PDS5B: variants seen among roughly 807,000 people sequenced by gnomAD.
PDS5B encodes the protein PDS5 cohesin associated factor B.
In PDS5B, 51 loss-of-function variants were observed where a neutral mutation model predicts 184.1. The ratio of observed to expected loss-of-function variants is 0.28; its 90% CI spans 0.22 to 0.35. The LOEUF is 0.35. PDS5B is among the 10% of genes least tolerant of loss of function. The pLI, the probability that PDS5B is intolerant of heterozygous loss-of-function variation, is 1.00. For missense variants in PDS5B, 1,180 were observed against 1,723.3 expected, an observed-to-expected ratio of 0.68 and a Z score of 5.58; for synonymous variants, 566 against 569.2, an observed-to-expected ratio of 0.99 and a Z score of 0.08.
intron 19 of PDS5B, among the ~76,000 whole-genome samples, chr13:32,731,656 GT>G (rs1953126620): frequency 6.6e-6 from 1 of 152,074 alleles, no homozygotes; most frequent in African/African-American, 2.4e-5. Context: ...AATAAGCATT[GT>G]TTAATCAGAT....
In PDS5B at chr13:32,775,095, A is replaced by ATAATTT; in HGVS notation, c.*44_*45insAATTTT. The ATAATTT allele has an allele frequency of 3.7e-6, 2 of 547,626 alleles. No individual in the cohort carries two copies. Among genetic ancestry groups the ATAATTT allele is most frequent in the Non-Finnish European group, 5.1e-6 (2 of 388,740 alleles). 33.9% of individuals were successfully genotyped at this position (547,626 alleles called of 1,614,324 possible). On this transcript the variant is annotated 3_prime_UTR_variant, in exon 35 of 35. Coordinates refer to ENST00000315596, the MANE Select transcript of PDS5B (RefSeq NM_015032.4). The stretch of plus-strand genomic sequence containing the variant: ...CTTTCTCTGTGAAAGCTTTGGAAAA[A>ATAATTT]TCTTTTTTTTTTTTTTTGGTCAAGC...
chr13:32,742,741 A>AT lies in PDS5B; in HGVS notation c.2612+17dup. 3 of 1,606,600 alleles carry AT rather than the reference A, an allele frequency of 1.9e-6. No homozygotes were observed. The highest frequency in any genetic ancestry group is 2.6e-6 in the Non-Finnish European group (3 of 1,174,150). ...GGGGAAAATTAGGTATGCAATTACT[A>AT]TTTCACAGTTCTTTGGATTGCATAA... On this transcript the variant is annotated intron_variant, in intron 23 of 34. Transcript: ENST00000315596.
rs1286379643 is a variant in PDS5B at position 32,759,689 on chromosome 13, A to T, written c.3371A>T (p.Lys1124Ile). The change falls in exon 29 of 35, where the codon AAA becomes ATA. Residue 1124 changes from lysine to isoleucine, a missense_variant and splice_region_variant. Transcript: ENST00000315596. ...PEMKSFFTPG[K>I]PKTTNVLGAV... ...ATGAAATCATTTTTCACTCCTGGAA[A>T]AGTATGTTTTGAGAATCATTTTAAT... is the stretch of plus-strand genomic sequence containing the variant. 6.5e-7 allele frequency: 1 copy of T among 1,532,560 alleles called. No homozygotes were observed. Among genetic ancestry groups the T allele is most frequent in the Non-Finnish European group, 9.0e-7 (1 of 1,116,828 alleles). The allele number at this position is 1,532,560 out of a possible 1,614,324, so 94.9% of individuals were successfully genotyped here.
At position 32,670,213 on chromosome 13, in the gene PDS5B, A is replaced by C. The variant is rs569663429; in HGVS notation, c.705+2369A>C. ...GGTGGTATAGGTTATTTATGTATTAAAATTTGTTGTTGTTGTTGTTTGAGA... is the reference window on the plus strand; with the variant it reads ...GGTGGTATAGGTTATTTATGTATTACAATTTGTTGTTGTTGTTGTTTGAGA... On this transcript the variant is annotated intron_variant, in intron 7 of 34. Coordinates refer to ENST00000315596, the MANE Select transcript of PDS5B (RefSeq NM_015032.4). Among the ~76,000 whole-genome samples, 5 of 151,946 alleles carry C rather than the reference A, an allele frequency of 3.3e-5. No individual in the cohort carries two copies. In the South Asian group the frequency reaches 1.0e-3, roughly 32 times the overall value.
chr13:32,660,981 C>G (rs1266601927), intron 6 of PDS5B, among the ~76,000 whole-genome samples: 1 of 151,350 alleles, frequency 6.6e-6, no homozygotes, highest in African/African-American at 2.4e-5. Flanking sequence ...AACATTCTGA[C>G]AAAATTTTTA....
At chr13:32,590,206 A>G (rs779464349) in intron 1 of PDS5B, among the ~76,000 whole-genome samples, 3 of 152,256 alleles carry the variant, frequency 2.0e-5, no homozygotes, top group Non-Finnish European at 4.4e-5. Context: ...AAGACTGATT[A>G]AAGTAAGAAA....
intron 1 of PDS5B, among the ~76,000 whole-genome samples, chr13:32,631,240 C>G (rs2058450545): frequency 1.3e-5 from 2 of 150,962 alleles, no homozygotes; most frequent in Admixed American, 1.3e-4. Context: ...CCTCAGCCTC[C>G]CAGTTAGTTG....
intron 11 of PDS5B, among the ~76,000 whole-genome samples, chr13:32,684,744 T>C (rs1490193244): frequency 6.6e-6 from 1 of 152,240 alleles, no homozygotes; most frequent in East Asian, 1.9e-4. Flanking sequence ...TTTTGACTTA[T>C]TTAAGTGCTA....
At position 32,775,768 on chromosome 13, in the gene PDS5B, AT is replaced by A. The variant is rs1214174813; in HGVS notation, c.*720del. The A allele has an allele frequency of 5.1e-6, 2 of 392,552 alleles. No homozygotes were observed. Among genetic ancestry groups the A allele is most frequent in the Non-Finnish European group, 1.0e-5 (2 of 198,210 alleles). The allele number at this position is 392,552 out of a possible 1,614,324, so 24.3% of individuals were successfully genotyped here. A position where few individuals can be genotyped will look rare whatever the true frequency, so the allele number is the denominator to read the frequency against. On this transcript the variant is annotated 3_prime_UTR_variant, in exon 35 of 35. Coordinates refer to ENST00000315596, the MANE Select transcript of PDS5B (RefSeq NM_015032.4). ...TTTCTGGCCTTTCATGGCAATGAAA[AT>A]TTTAAGAAGAAAGATTTAAAGTATT...
chr13:32,609,000 A>G (rs945577913), intron 1 of PDS5B, among the ~76,000 whole-genome samples: 1 of 152,204 alleles, frequency 6.6e-6, no homozygotes, highest in African/African-American at 2.4e-5. Flanking sequence ...TTCATGGAAA[A>G]GAATTTAGAG....
intron 19 of PDS5B, among the ~76,000 whole-genome samples, chr13:32,712,153 T>A (rs917937507): frequency 1.3e-4 from 20 of 152,210 alleles, no homozygotes; most frequent in Non-Finnish European, 2.1e-4. Flanking sequence ...CCCTAGTAAC[T>A]TTTATATTTT....
At chr13:32,616,116 C>T (rs139654988) in intron 1 of PDS5B, among the ~76,000 whole-genome samples, 56 of 151,662 alleles carry the variant, frequency 3.7e-4, no homozygotes, top group African/African-American at 1.3e-3. Context: ...TGCAATGGCG[C>T]GATCTTGGCT....
intron 8 of PDS5B, among the ~76,000 whole-genome samples, chr13:32,674,007 G>C (rs1188959540): frequency 1.3e-5 from 2 of 151,848 alleles, no homozygotes; most frequent in Non-Finnish European, 2.9e-5. Flanking sequence ...TAGAGACAGG[G>C]TTTCACCATG....
chr13:32,703,806 TA>T (rs972665624), intron 17 of PDS5B, among the ~76,000 whole-genome samples: 5 of 152,108 alleles, frequency 3.3e-5, no homozygotes, highest in South Asian at 2.1e-4. Context: ...ATGTACCCTT[TA>T]AAAAAAATTT....
intron 1 of PDS5B, among the ~76,000 whole-genome samples, chr13:32,610,068 T>A (rs1267334789): frequency 6.6e-6 from 1 of 152,196 alleles, no homozygotes; most frequent in African/African-American, 2.4e-5. Flanking sequence ...TTAAGAGCAC[T>A]GAGAATTTCT....
chr13:32,754,073 G>A (rs145564191), intron 25 of PDS5B, among the ~76,000 whole-genome samples: 55 of 151,940 alleles, frequency 3.6e-4, no homozygotes, highest in Non-Finnish European at 2.2e-4. Flanking sequence ...CCTCTCATCC[G>A]TCACCAAATT....
intron 13 of PDS5B, among the ~76,000 whole-genome samples, chr13:32,693,546 A>AG (rs1371825802): frequency 6.6e-6 from 1 of 151,706 alleles, no homozygotes; most frequent in Admixed American, 6.6e-5. Context: ...AGTGTAGAAT[A>AG]ATTGAAAACA....
At chr13:32,708,806 A>G (rs763669561) in intron 18 of PDS5B, among the ~76,000 whole-genome samples, 19 of 152,044 alleles carry the variant, frequency 1.2e-4, no homozygotes, top group Non-Finnish European at 7.4e-5. Context: ...ACTGATTTAA[A>G]TAAGCTTTTT....
chr13:32,633,306 A>G (rs759936544), intron 1 of PDS5B, among the ~76,000 whole-genome samples: 4 of 152,184 alleles, frequency 2.6e-5, no homozygotes, highest in African/African-American at 7.2e-5. Flanking sequence ...GGTAGATTCT[A>G]TGTTACATAT....
Sources: allele counts gnomAD v4.1 joint callset (sites outside exome capture counted in the v4.1 genomes callset), GRCh38; gene constraint gnomAD v4.1.1; transcripts MANE v1.5; gene names NCBI Gene and HGNC (gene_info 2026-07-23, HGNC 2026-07-21).